Variants in BAZ2B observed in about 807,000 individuals in gnomAD.
BAZ2B encodes bromodomain adjacent to zinc finger domain 2B.
A neutral mutation model predicts 246.0 loss-of-function variants in BAZ2B; 91 were observed. That is an observed-to-expected ratio of 0.37 (90% CI 0.31 to 0.44). The LOEUF is 0.44. BAZ2B is among the 20% of genes least tolerant of loss of function. BAZ2B has a pLI of 1.00. For missense variants in BAZ2B, 2,332 were observed against 2,533.7 expected (o/e 0.92, Z 1.71); for synonymous variants, 855 against 860.0 (o/e 0.99, Z 0.10).
upstream of BAZ2B, among the ~76,000 whole-genome samples, chr2:159,617,561 A>C (rs567578144): frequency 6.6e-6 from 1 of 152,206 alleles, no homozygotes; most frequent in African/African-American, 2.4e-5. Flanking sequence ...AAATTGCATA[A>C]TTTAATTTTC....
At chr2:159,428,218 G>C in intron 12 of BAZ2B, 93 bp downstream of exon 12, 1 of 1,196,628 alleles carries the variant, frequency 8.4e-7, no homozygotes, top group Non-Finnish European at 1.2e-6. Flanking sequence ...TTAGTATCAA[G>C]GAACTTTATC....
At chr2:159,542,612 A>G (rs13401563) in intron 2 of BAZ2B, among the ~76,000 whole-genome samples, 4,722 of 152,200 alleles carry the variant, frequency 0.031, 246 homozygotes, top group African/African-American at 0.11. Flanking sequence ...AATCCAGCCC[A>G]GGCAAGAGAG....
At chr2:159,603,637 C>G (rs1692708013) in intron 1 of BAZ2B, among the ~76,000 whole-genome samples, 1 of 151,898 alleles carries the variant, frequency 6.6e-6, no homozygotes, top group Non-Finnish European at 1.5e-5. Flanking sequence ...TATTTCCTTC[C>G]CAGAAACTAC....
the BAZ2B span, chr2:159,689,124 T>C: frequency 0.4 from 117,527 of 296,750 alleles, 24,309 homozygotes; most frequent in African/African-American, 0.51. Context: ...ACTAGAATTC[T>C]ATTCTACATC....
intron 1 of BAZ2B, among the ~76,000 whole-genome samples, chr2:159,575,172 A>G (rs1685010175): frequency 6.6e-6 from 1 of 152,052 alleles, no homozygotes; most frequent in Non-Finnish European, 1.5e-5. Context: ...GGGTAATGGG[A>G]GTTGGGGGAA....
the BAZ2B span, among the ~76,000 whole-genome samples, chr2:159,680,301 G>A: frequency 1.3e-5 from 2 of 152,164 alleles, no homozygotes; most frequent in African/African-American, 2.4e-5. Context: ...CTAATTCTTT[G>A]AGCTTTGTGT....
At chr2:159,486,046 A>G (rs1321130157) in intron 2 of BAZ2B, among the ~76,000 whole-genome samples, 1 of 152,072 alleles carries the variant, frequency 6.6e-6, no homozygotes, top group Admixed American at 6.6e-5. Context: ...CCTAAGACTT[A>G]TGAAAAAGAT....
chr2:159,549,434 G>A (rs369707975), intron 2 of BAZ2B, among the ~76,000 whole-genome samples: 8 of 152,096 alleles, frequency 5.3e-5, no homozygotes, highest in South Asian at 2.1e-4. Context: ...CTCTGCAAAC[G>A]TTTCTTGATC....
chr2:159,513,444 T>C (rs1175020402), intron 2 of BAZ2B, among the ~76,000 whole-genome samples: 4 of 152,186 alleles, frequency 2.6e-5, no homozygotes, highest in African/African-American at 9.7e-5. Flanking sequence ...TAAAGCCTTC[T>C]CACATCTCCA....
the BAZ2B span, among the ~76,000 whole-genome samples, chr2:159,639,310 A>G: frequency 2.0e-5 from 3 of 152,240 alleles, no homozygotes; most frequent in African/African-American, 7.2e-5. Flanking sequence ...AATCTGAAAG[A>G]AAAGGACATT....
At chr2:159,356,022 G>A (rs990251598) in intron 27 of BAZ2B, among the ~76,000 whole-genome samples, 1 of 152,196 alleles carries the variant, frequency 6.6e-6, no homozygotes, top group Non-Finnish European at 1.5e-5. Context: ...CGGTGCCTAT[G>A]CCACCAGGGT....
chr2:159,494,992 G>C (rs1217976933), intron 2 of BAZ2B, among the ~76,000 whole-genome samples: 1 of 152,156 alleles, frequency 6.6e-6, no homozygotes, highest in Non-Finnish European at 1.5e-5. Context: ...TGGGTACTAG[G>C]CATTAGAAGA....
At chr2:159,441,238 T>A (rs977158060) in intron 6 of BAZ2B, among the ~76,000 whole-genome samples, 34 of 152,276 alleles carry the variant, frequency 2.2e-4, no homozygotes, top group African/African-American at 7.9e-4. Flanking sequence ...CCTATTTAAA[T>A]GCCCAAGGAA....
chr2:159,570,191 GT>G (rs923571608), intron 1 of BAZ2B, among the ~76,000 whole-genome samples: 4 of 128,182 alleles, frequency 3.1e-5, no homozygotes, highest in South Asian at 5.3e-4. Context: ...TGTTTTTTTT[GT>G]TTTTTTTCTG....
the BAZ2B span, among the ~76,000 whole-genome samples, chr2:159,682,672 G>A: frequency 6.6e-6 from 1 of 152,186 alleles, no homozygotes; most frequent in African/African-American, 2.4e-5. Flanking sequence ...ATTGGTTGGT[G>A]ATGCAGGGGC....
At chr2:159,465,289 T>C (rs1223267003) in intron 3 of BAZ2B, among the ~76,000 whole-genome samples, 4 of 152,200 alleles carry the variant, frequency 2.6e-5, no homozygotes, top group Admixed American at 6.5e-5. Context: ...TGGATATGTA[T>C]TGGATTAAGG....
the BAZ2B span, among the ~76,000 whole-genome samples, chr2:159,703,192 T>C: frequency 1.3e-5 from 2 of 151,910 alleles, no homozygotes; most frequent in African/African-American, 2.4e-5. Context: ...ATTCAAGCAA[T>C]TCTCCCTGCC....
intron 11 of BAZ2B, among the ~76,000 whole-genome samples, 186 bp downstream of exon 11, chr2:159,429,014 A>G (rs2070553918): frequency 6.6e-6 from 1 of 152,092 alleles, no homozygotes; most frequent in Admixed American, 6.6e-5. Flanking sequence ...CCTCCAGGAA[A>G]CAGGATTAAT....
At chr2:159,648,971 A>G in the BAZ2B span, among the ~76,000 whole-genome samples, 1 of 152,226 alleles carries the variant, frequency 6.6e-6, no homozygotes, top group Middle Eastern at 3.4e-3. Flanking sequence ...CCACATCCCT[A>G]GCCAAAATGA....
Sources: gnomAD v4.1 joint callset for allele counts (sites outside exome capture counted in the v4.1 genomes callset) on GRCh38, gnomAD v4.1.1 for gene constraint, MANE v1.5 for transcripts, NCBI Gene and HGNC (gene_info 2026-07-23, HGNC 2026-07-21) for gene names.